Variants in B4GALT6 observed in about 807,000 individuals in gnomAD.
The protein encoded by B4GALT6 is beta-1,4-galactosyltransferase 6, also known as UDP-Gal:beta-GlcNAc beta-1,4-galactosyltransferase 6.
Under a neutral mutation model 46.3 loss-of-function variants are expected in B4GALT6, and 14 were observed. The ratio of observed to expected loss-of-function variants is 0.30; its 90% CI spans 0.20 to 0.47. B4GALT6 has a LOEUF of 0.47. Among genes scored for constraint, B4GALT6 ranks in the 20% least tolerant of loss-of-function variants. The probability of loss-of-function intolerance (pLI) is 0.99; values close to 1 mark genes in which losing one functional copy is unlikely to be tolerated. For missense variants in B4GALT6, 386 were observed against 480.1 expected (o/e 0.80, Z 1.83); for synonymous variants, 168 against 162.0 (o/e 1.04, Z -0.28).
chr18:31,681,599 C>A (rs1390268955), intron 1 of B4GALT6, among the ~76,000 whole-genome samples: 1 of 152,194 alleles, frequency 6.6e-6, no homozygotes, highest in Non-Finnish European at 1.5e-5. Context: ...TTCAGAGGAA[C>A]ATCTGAAAAC....
Position 31,663,028 on chromosome 18 carries a change from T to C in B4GALT6, c.232+3228A>G, listed in dbSNP as rs558828008. Among the ~76,000 whole-genome samples, 69 of 152,126 alleles carry C rather than the reference T, an allele frequency of 4.5e-4. 1 individual carries two copies. Among genetic ancestry groups the C allele is most frequent in the Non-Finnish European group, 8.8e-4 (60 of 68,018 alleles). Reference sequence around the variant, plus strand: ...GGTAGACATTATTTCATCTAATGAATGGATAAAAATAAAATGAGCTCTGGG... The same window carrying C: ...GGTAGACATTATTTCATCTAATGAACGGATAAAAATAAAATGAGCTCTGGG... On this transcript the variant is annotated intron_variant, in intron 2 of 8. Transcript: ENST00000306851.
upstream of B4GALT6, among the ~76,000 whole-genome samples, chr18:31,688,828 G>A (rs969071999): frequency 6.6e-6 from 1 of 152,168 alleles, no homozygotes; most frequent in African/African-American, 2.4e-5. Flanking sequence ...AAGCCCAGAT[G>A]TTATCAGCCT....
At chr18:31,686,005 C>G (rs1047404593), upstream of B4GALT6, 3 of 152,274 alleles carry the variant, frequency 2.0e-5, no homozygotes, top group Non-Finnish European at 2.9e-5. Flanking sequence ...TTGAGCGCCT[C>G]AGCCCCATCT....
At chr18:31,669,809 A>C (rs1158147446) in intron 1 of B4GALT6, among the ~76,000 whole-genome samples, 1 of 152,200 alleles carries the variant, frequency 6.6e-6, no homozygotes, top group African/African-American at 2.4e-5. Context: ...TTTAATCCTA[A>C]AGTTACATAT....
At chr18:31,706,508 G>A in the B4GALT6 span, among the ~76,000 whole-genome samples, 3 of 152,116 alleles carry the variant, frequency 2.0e-5, no homozygotes, top group African/African-American at 7.2e-5. Flanking sequence ...GTGGGCACCT[G>A]TAATCCCAGC....
At chr18:31,677,700 G>C (rs931984254) in intron 1 of B4GALT6, among the ~76,000 whole-genome samples, 2 of 152,112 alleles carry the variant, frequency 1.3e-5, no homozygotes, top group Non-Finnish European at 2.9e-5. Context: ...TTAAATCACC[G>C]TGTCCTTCAG....
At chr18:31,663,159 C>A (rs571207092) in intron 2 of B4GALT6, among the ~76,000 whole-genome samples, 11 of 152,288 alleles carry the variant, frequency 7.2e-5, no homozygotes, top group African/African-American at 2.6e-4. Flanking sequence ...GACCTTATCA[C>A]TTAAAGGAAA....
At chr18:31,708,833 C>T in the B4GALT6 span, among the ~76,000 whole-genome samples, 1 of 152,014 alleles carries the variant, frequency 6.6e-6, no homozygotes, top group Non-Finnish European at 1.5e-5. Flanking sequence ...GGGAGAGAGG[C>T]CATCCTCAGG....
the B4GALT6 span, among the ~76,000 whole-genome samples, chr18:31,691,015 G>A: frequency 6.6e-6 from 1 of 151,930 alleles, no homozygotes; most frequent in African/African-American, 2.4e-5. Flanking sequence ...GGGAGGGAGA[G>A]CATTAGGACA....
At chr18:31,708,567 AAAAAAT>A in the B4GALT6 span, among the ~76,000 whole-genome samples, 6 of 152,134 alleles carry the variant, frequency 3.9e-5, no homozygotes, top group South Asian at 2.1e-4. Flanking sequence ...TCGTCTCAAT[AAAAAAT>A]AAAAATAAAA....
chr18:31,633,330 A>G (rs759305537), intron 5 of B4GALT6, among the ~76,000 whole-genome samples: 1 of 152,136 alleles, frequency 6.6e-6, no homozygotes, highest in Non-Finnish European at 1.5e-5. Flanking sequence ...AAGAACCTCC[A>G]GAAGGCAGTG....
chr18:31,713,976 A>G, the B4GALT6 span, among the ~76,000 whole-genome samples: 107 of 152,256 alleles, frequency 7.0e-4, no homozygotes, highest in Admixed American at 1.5e-3. Flanking sequence ...TCTAAATCAG[A>G]TTTGTTTGTT....
intron 3 of B4GALT6, among the ~76,000 whole-genome samples, chr18:31,655,560 A>G (rs906076032): frequency 6.6e-6 from 1 of 152,168 alleles, no homozygotes; most frequent in African/African-American, 2.4e-5. Context: ...GTGGGGCGGG[A>G]GGAGAGGAGT....
chr18:31,678,863 C>T (rs1254564733), intron 1 of B4GALT6, among the ~76,000 whole-genome samples: 4 of 152,308 alleles, frequency 2.6e-5, no homozygotes, highest in East Asian at 1.9e-4. Context: ...AGAGGAAAAG[C>T]CACAGCTAGA....
intron 1 of B4GALT6, among the ~76,000 whole-genome samples, chr18:31,675,618 C>A (rs1478146533): frequency 6.6e-6 from 1 of 151,980 alleles, no homozygotes. Flanking sequence ...TGACAGGAAC[C>A]CTAAGAGAGT....
chr18:31,718,534 T>C, the B4GALT6 span, among the ~76,000 whole-genome samples: 3 of 152,210 alleles, frequency 2.0e-5, no homozygotes, highest in Non-Finnish European at 4.4e-5. Context: ...GCTCTCCACA[T>C]ATCTGGAGGG....
the B4GALT6 span, among the ~76,000 whole-genome samples, chr18:31,711,624 T>A: frequency 4.3e-4 from 66 of 152,350 alleles, no homozygotes; most frequent in African/African-American, 1.5e-3. Flanking sequence ...TACAATTTCA[T>A]CATCAAGTTT....
intron 1 of B4GALT6, among the ~76,000 whole-genome samples, chr18:31,671,861 C>T (rs941880575): frequency 2.7e-4 from 41 of 152,186 alleles, no homozygotes; most frequent in African/African-American, 9.9e-4. Flanking sequence ...ATAAATCTAA[C>T]TTCTTTACCA....
At chr18:31,699,653 A>C in the B4GALT6 span, among the ~76,000 whole-genome samples, 3 of 151,452 alleles carry the variant, frequency 2.0e-5, no homozygotes, top group Admixed American at 1.3e-4. Context: ...AAAAAAAAAA[A>C]AAAAACCTGC....
Sources: allele counts gnomAD v4.1 joint callset (sites outside exome capture counted in the v4.1 genomes callset), GRCh38; gene constraint gnomAD v4.1.1; transcripts MANE v1.5; gene names NCBI Gene and HGNC (gene_info 2026-07-23, HGNC 2026-07-21).